The following RCAN2 variants were observed in gnomAD, a reference collection of about 807,000 sequenced individuals.
RCAN2 encodes the protein calcipressin-2.
RCAN2 carries 9 observed loss-of-function variants against 23.6 expected under a neutral mutation model. The observed-to-expected ratio is 0.38, with a 90% confidence interval of 0.23 to 0.67. The LOEUF (loss-of-function observed/expected upper bound fraction) is 0.67, where lower values mean the gene tolerates loss of function less well. RCAN2 is among the 30% of genes least tolerant of loss of function. RCAN2 has a pLI of 0.51. For synonymous variants in RCAN2, 109 were observed against 115.7 expected, an observed-to-expected ratio of 0.94 and a Z score of 0.37; for missense variants, 273 against 302.3, an observed-to-expected ratio of 0.90 and a Z score of 0.72.
At chr6:46,366,350 C>T (rs576854014) in intron 2 of RCAN2, among the ~76,000 whole-genome samples, 2 of 152,248 alleles carry the variant, frequency 1.3e-5, no homozygotes, top group African/African-American at 4.8e-5. Context: ...CAGGCATCTT[C>T]CTGACACTGT....
At chr6:46,386,075 G>A (rs1197903228) in intron 2 of RCAN2, among the ~76,000 whole-genome samples, 2 of 151,918 alleles carry the variant, frequency 1.3e-5, no homozygotes, top group Admixed American at 6.6e-5. Flanking sequence ...ATCATCAGTC[G>A]AGCAGGCAAC....
chr6:46,380,403 G>T (rs1219034701), intron 2 of RCAN2, among the ~76,000 whole-genome samples: 2 of 152,168 alleles, frequency 1.3e-5, no homozygotes, highest in South Asian at 4.1e-4. Flanking sequence ...GCAGATAAGG[G>T]ATTGATTACC....
At chr6:46,307,581 C>T (rs1163668852) in intron 2 of RCAN2, among the ~76,000 whole-genome samples, 1 of 152,080 alleles carries the variant, frequency 6.6e-6, no homozygotes, top group East Asian at 1.9e-4. Flanking sequence ...ATATGTTGTG[C>T]TCCTGTTCCA....
At chr6:46,448,268 C>T (rs1033871936) in intron 2 of RCAN2, among the ~76,000 whole-genome samples, 12 of 151,630 alleles carry the variant, frequency 7.9e-5, no homozygotes, top group South Asian at 2.1e-4. Flanking sequence ...GTAAAACCTA[C>T]GAAGACTGAA....
chr6:46,394,374 T>C (rs925004664), intron 2 of RCAN2, among the ~76,000 whole-genome samples: 1 of 152,188 alleles, frequency 6.6e-6, no homozygotes, highest in Admixed American at 6.5e-5. Flanking sequence ...GAATTACTTT[T>C]CATTACTGCC....
intron 2 of RCAN2, among the ~76,000 whole-genome samples, chr6:46,420,615 G>A (rs577716156): frequency 6.6e-6 from 1 of 151,066 alleles, no homozygotes; most frequent in East Asian, 1.9e-4. Context: ...TGCAATCTCG[G>A]CTCACTGCAA....
intron 4 of RCAN2, among the ~76,000 whole-genome samples, chr6:46,245,197 T>C (rs559783827): frequency 2.0e-5 from 3 of 152,310 alleles, no homozygotes; most frequent in Non-Finnish European, 4.4e-5. Context: ...TACTGCTTCT[T>C]GAAGGTAAAA....
intron 2 of RCAN2, among the ~76,000 whole-genome samples, chr6:46,371,958 C>G (rs1354935239): frequency 6.6e-6 from 1 of 152,178 alleles, no homozygotes; most frequent in Non-Finnish European, 1.5e-5. Flanking sequence ...AAATGGGGAA[C>G]AGAGCACAGA....
chr6:46,330,545 A>G (rs1285797554), intron 2 of RCAN2, among the ~76,000 whole-genome samples: 1 of 152,250 alleles, frequency 6.6e-6, no homozygotes, highest in Non-Finnish European at 1.5e-5. Context: ...TTTCCTTAGT[A>G]TCACCAAACG....
At chr6:46,400,450 T>C (rs1288231387) in intron 2 of RCAN2, among the ~76,000 whole-genome samples, 1 of 152,150 alleles carries the variant, frequency 6.6e-6, no homozygotes, top group African/African-American at 2.4e-5. Context: ...TTTTTTTCTC[T>C]TGTCCCTTCC....
chr6:46,232,071 C>A (rs1460965984), intron 4 of RCAN2, among the ~76,000 whole-genome samples: 1 of 151,972 alleles, frequency 6.6e-6, no homozygotes, highest in Non-Finnish European at 1.5e-5. Context: ...GTGGCCCAGT[C>A]TGATACAGAA....
At chr6:46,373,322 T>A (rs987939717) in intron 2 of RCAN2, among the ~76,000 whole-genome samples, 1 of 152,170 alleles carries the variant, frequency 6.6e-6, no homozygotes, top group Non-Finnish European at 1.5e-5. Flanking sequence ...TGGTGTGCAG[T>A]GGCGCAATCT....
chr6:46,347,865 A>G (rs1436375229), intron 2 of RCAN2, among the ~76,000 whole-genome samples: 1 of 152,256 alleles, frequency 6.6e-6, no homozygotes, highest in African/African-American at 2.4e-5. Context: ...TTGACTCACT[A>G]AGAGATATCT....
intron 2 of RCAN2, among the ~76,000 whole-genome samples, chr6:46,394,439 G>A (rs1241175484): frequency 6.6e-6 from 1 of 152,180 alleles, no homozygotes; most frequent in Non-Finnish European, 1.5e-5. Context: ...GGGCATGCTA[G>A]AGAAATAAAA....
At chr6:46,254,132 C>A (rs1766826133) in intron 2 of RCAN2, among the ~76,000 whole-genome samples, 1 of 152,208 alleles carries the variant, frequency 6.6e-6, no homozygotes, top group Non-Finnish European at 1.5e-5. Flanking sequence ...TGCTTTTGCA[C>A]CATGGGTATA....
chr6:46,269,766 C>A (rs923688564), intron 2 of RCAN2, among the ~76,000 whole-genome samples: 3 of 152,084 alleles, frequency 2.0e-5, no homozygotes, highest in Non-Finnish European at 4.4e-5. Flanking sequence ...ACCTGAGGGA[C>A]CCAGGATTGG....
intron 1 of RCAN2, among the ~76,000 whole-genome samples, chr6:46,458,790 C>T (rs933210924): frequency 5.9e-5 from 9 of 152,090 alleles, no homozygotes; most frequent in Admixed American, 3.3e-4. Context: ...ACCTAATTAC[C>T]GTCATTTATT....
chr6:46,266,312 G>A (rs532009749), intron 2 of RCAN2, among the ~76,000 whole-genome samples: 8 of 152,224 alleles, frequency 5.3e-5, no homozygotes, highest in African/African-American at 9.6e-5. Context: ...ATGCATTAAC[G>A]CTTGTAGACT....
At chr6:46,395,309 C>G in intron 2 of RCAN2, among the ~76,000 whole-genome samples, 1 of 151,988 alleles carries the variant, frequency 6.6e-6, no homozygotes, top group East Asian at 1.9e-4. Flanking sequence ...GGCACTTTAA[C>G]TTGAAGTTGG....
Sources: allele counts gnomAD v4.1 joint callset (sites outside exome capture counted in the v4.1 genomes callset), GRCh38; gene constraint gnomAD v4.1.1; transcripts MANE v1.5; gene names NCBI Gene and HGNC (gene_info 2026-07-23, HGNC 2026-07-21).